VTI1A: variants seen among roughly 807,000 people sequenced by gnomAD.
The protein encoded by VTI1A is vesicle transport through interaction with t-SNAREs homolog 1A.
In VTI1A, 22 loss-of-function variants were observed where a neutral mutation model predicts 34.9. The observed-to-expected ratio is 0.63, with a 90% CI of 0.45 to 0.90. The LOEUF is 0.90. Among genes scored for constraint, VTI1A ranks in the 40% least tolerant of loss-of-function variants. The pLI is 0.00. For missense variants in VTI1A, 268 were observed against 275.6 expected (o/e 0.97, Z 0.20); for synonymous variants, 87 against 97.3 (o/e 0.89, Z 0.62).
chr10:112,550,420 C>T (rs1044776251), intron 5 of VTI1A, among the ~76,000 whole-genome samples: 1 of 148,468 alleles, frequency 6.7e-6, no homozygotes, highest in African/African-American at 2.5e-5. Context: ...ACAGAATTTT[C>T]ACAGCATGGG....
intron 3 of VTI1A, among the ~76,000 whole-genome samples, chr10:112,472,971 G>C (rs1163996176): frequency 9.6e-6 from 1 of 104,600 alleles, no homozygotes; most frequent in Non-Finnish European, 2.5e-5. Flanking sequence ...AAATGAAGAA[G>C]AGTAAAAAAG....
chr10:112,481,306 G>A (rs1018109110), intron 3 of VTI1A, among the ~76,000 whole-genome samples: 5 of 152,146 alleles, frequency 3.3e-5, no homozygotes, highest in South Asian at 2.1e-4. Context: ...GAGAAGCCGC[G>A]ACTGAATAAT....
chr10:112,819,804 C>G (rs886631610), downstream of VTI1A, among the ~76,000 whole-genome samples: 1 of 152,164 alleles, frequency 6.6e-6, no homozygotes, highest in African/African-American at 2.4e-5. Flanking sequence ...TCTGCTCAGC[C>G]TGTTTGTTTG....
At chr10:112,616,443 A>G (rs1422767512) in intron 5 of VTI1A, among the ~76,000 whole-genome samples, 1 of 152,206 alleles carries the variant, frequency 6.6e-6, no homozygotes, top group Non-Finnish European at 1.5e-5. Context: ...CCAGAAAAAA[A>G]TAAACAAATT....
intron 3 of VTI1A, among the ~76,000 whole-genome samples, chr10:112,524,643 A>T (rs1417851233): frequency 6.6e-6 from 1 of 152,168 alleles, no homozygotes; most frequent in Non-Finnish European, 1.5e-5. Context: ...ATATTTAGGG[A>T]TACACATTTA....
chr10:112,491,630 C>A (rs956545427), intron 3 of VTI1A, among the ~76,000 whole-genome samples: 7 of 152,030 alleles, frequency 4.6e-5, no homozygotes, highest in African/African-American at 1.4e-4. Flanking sequence ...CAAAATATTA[C>A]CGTTTCAAAA....
At chr10:112,826,021 G>C in the VTI1A span, 2 of 152,152 alleles carry the variant, frequency 1.3e-5, no homozygotes, top group Non-Finnish European at 2.9e-5. Flanking sequence ...GTGAGACTGG[G>C]GAAGAAAGCA....
chr10:112,548,483 T>C (rs527606077), intron 5 of VTI1A: 2 of 479,632 alleles, frequency 4.2e-6, no homozygotes, highest in South Asian at 8.8e-5. Context: ...GGTTTTACGA[T>C]GCATTGTTAT....
chr10:112,660,213 G>A (rs983795168), intron 5 of VTI1A, among the ~76,000 whole-genome samples: 1 of 152,136 alleles, frequency 6.6e-6, no homozygotes, highest in African/African-American at 2.4e-5. Context: ...CGATTCTCCT[G>A]CCTCAGCCTC....
chr10:112,584,023 T>A (rs1484040923), intron 5 of VTI1A, among the ~76,000 whole-genome samples: 1 of 152,132 alleles, frequency 6.6e-6, no homozygotes, highest in Non-Finnish European at 1.5e-5. Flanking sequence ...GTAAAACACA[T>A]TGTGTCAAAG....
Position 112,616,053 on chromosome 10 carries a change from T to C in VTI1A, c.428-52165T>C, listed in dbSNP as rs138610662. The stretch of plus-strand genomic sequence containing the variant: ...CTAGGAGGCTGTTGGAAATTAGTGA[T>C]CTGATATTACTGGATATTAGATAAA... On this transcript the variant is annotated intron_variant, in intron 5 of 7. Transcript: ENST00000393077. 2.5e-3 allele frequency among the ~76,000 whole-genome samples: 379 copies of C among 152,288 alleles called. 2 individuals are homozygous for C. Among genetic ancestry groups the C allele is most frequent in the African/African-American group, 8.6e-3 (358 of 41,548 alleles).
At chr10:112,694,575 A>G (rs1848718430) in intron 7 of VTI1A, among the ~76,000 whole-genome samples, 1 of 151,786 alleles carries the variant, frequency 6.6e-6, no homozygotes, top group Non-Finnish European at 1.5e-5. Context: ...TAGTCTCTTT[A>G]TTTGGGGTGA....
intron 5 of VTI1A, among the ~76,000 whole-genome samples, chr10:112,618,524 T>TATATATATAGAGAGAGAGAGAGAG (rs748276058): frequency 4.6e-4 from 16 of 34,570 alleles, no homozygotes; most frequent in African/African-American, 1.1e-3. Context: ...TATATATATA[T>TATATATATAGAGAGAGAGAGAGAG]AGAGAGAGAG....
chr10:112,642,414 G>A (rs1383778420), intron 5 of VTI1A, among the ~76,000 whole-genome samples: 2 of 152,150 alleles, frequency 1.3e-5, no homozygotes, highest in South Asian at 2.1e-4. Flanking sequence ...AGTTGCTGAC[G>A]GGTTAGTAAG....
intron 7 of VTI1A, among the ~76,000 whole-genome samples, chr10:112,770,848 T>C (rs1356400165): frequency 6.6e-6 from 1 of 152,126 alleles, no homozygotes; most frequent in East Asian, 1.9e-4. Context: ...CAAATAGGGT[T>C]AGAGATGGTA....
the VTI1A span, chr10:112,832,191 G>C: frequency 6.8e-6 from 1 of 148,002 alleles, no homozygotes; most frequent in East Asian, 2.0e-4. Context: ...TAGTGGAGGA[G>C]GGGGTGTATT....
chr10:112,654,772 C>T (rs762663207), intron 5 of VTI1A, among the ~76,000 whole-genome samples: 39 of 152,174 alleles, frequency 2.6e-4, no homozygotes, highest in Admixed American at 3.9e-4. Flanking sequence ...TGAGCCACCG[C>T]GCCCGGCCCC....
chr10:112,464,643 C>A lies in VTI1A; in HGVS notation c.250C>A (p.Leu84Ile). The change falls in exon 3 of 8, where the codon CTC becomes ATC. Residue 84 changes from leucine to isoleucine, a missense_variant. Physicochemically the swap from Leu to Ile is conservative, Grantham distance 5. Transcript: ENST00000393077. ...AAGCTACAAACAAGAAATGGGAAAA[C>A]TCGAAACAGATTTTGTGAGTCAAAT... ...MRSYKQEMGKLETDFKRSRIA... is the reference protein window; with the variant it reads ...MRSYKQEMGKIETDFKRSRIA... The A allele has an allele frequency of 6.2e-7, 1 of 1,611,174 alleles. No homozygotes were observed.
intron 7 of VTI1A, among the ~76,000 whole-genome samples, chr10:112,705,587 C>G (rs1386133056): frequency 6.6e-6 from 1 of 152,148 alleles, no homozygotes; most frequent in Non-Finnish European, 1.5e-5. Flanking sequence ...ACTGCTCATA[C>G]CCACTTTCCA....
Sources: allele counts gnomAD v4.1 joint callset (sites outside exome capture counted in the v4.1 genomes callset), GRCh38; gene constraint gnomAD v4.1.1; transcripts MANE v1.5; gene names NCBI Gene and HGNC (gene_info 2026-07-23, HGNC 2026-07-21).